The following CDH13 variants were observed in gnomAD, a reference collection of about 807,000 sequenced individuals.
CDH13 encodes cadherin-13.
In CDH13, 24 loss-of-function variants were observed where a neutral mutation model predicts 63.8. The ratio of observed to expected loss-of-function variants is 0.38; its 90% CI spans 0.27 to 0.53. CDH13 has a LOEUF of 0.53. CDH13 is among the 20% of genes least tolerant of loss of function. CDH13 has a pLI of 0.85. For missense variants in CDH13, 1,049 were observed against 903.1 expected (o/e 1.16, Z -2.07); for synonymous variants, 503 against 355.3 (o/e 1.42, Z -4.67).
At chr16:83,400,122 G>T (rs913272707) in intron 6 of CDH13, among the ~76,000 whole-genome samples, 18 of 147,190 alleles carry the variant, frequency 1.2e-4, no homozygotes, top group Admixed American at 2.7e-4. Context: ...ATTCTGATGG[G>T]TTTTTTTTTT....
chr16:83,094,083 A>G (rs994147961), intron 3 of CDH13, among the ~76,000 whole-genome samples: 1 of 152,206 alleles, frequency 6.6e-6, no homozygotes, highest in Non-Finnish European at 1.5e-5. Context: ...CTCAGGATAT[A>G]TTACTCAGCA....
In CDH13 at chr16:83,391,517, A is replaced by T. The variant is rs573149242; in HGVS notation, c.781+46511A>T. On this transcript the variant is annotated intron_variant, in intron 6 of 13. Coordinates refer to ENST00000567109, the MANE Select transcript of CDH13 (RefSeq NM_001257.5). ...CCGTGCCAGCCACACATTTAAAATA[A>T]TGATAATAGTAAGCCCCAATTATAC... Among the ~76,000 whole-genome samples the T allele has an allele frequency of 2.6e-5, 4 of 152,266 alleles. No homozygotes were observed. In the South Asian group the frequency reaches 8.3e-4, roughly 32 times the overall value.
chr16:83,740,152 G>A (rs558275270), intron 10 of CDH13: 1 of 152,302 alleles, frequency 6.6e-6, no homozygotes, highest in East Asian at 1.9e-4. Flanking sequence ...GTAACTTAGG[G>A]AGGCTGAGGA....
chr16:83,793,394 A>C (rs1437768150), intron 13 of CDH13, among the ~76,000 whole-genome samples: 1 of 152,186 alleles, frequency 6.6e-6, no homozygotes, highest in Non-Finnish European at 1.5e-5. Flanking sequence ...GACAGACTCC[A>C]CACTGGAGCC....
chr16:83,686,342 C>A (rs932417986), intron 10 of CDH13, among the ~76,000 whole-genome samples: 2 of 152,228 alleles, frequency 1.3e-5, no homozygotes, highest in Non-Finnish European at 1.5e-5. Context: ...GCCACCAGAG[C>A]TTCCTCAGTA....
chr16:83,636,552 C>T (rs1911282283), intron 8 of CDH13, among the ~76,000 whole-genome samples: 1 of 152,160 alleles, frequency 6.6e-6, no homozygotes, highest in Non-Finnish European at 1.5e-5. Flanking sequence ...TTTTCTGCTT[C>T]TGTTCATTAA....
At chr16:82,886,247 T>G (rs928090721) in intron 2 of CDH13, among the ~76,000 whole-genome samples, 1 of 152,210 alleles carries the variant, frequency 6.6e-6, no homozygotes, top group Non-Finnish European at 1.5e-5. Context: ...CCTTATTCAG[T>G]TATTTCCTTA....
intron 5 of CDH13, among the ~76,000 whole-genome samples, chr16:83,288,705 C>T (rs566863681): frequency 5.3e-5 from 8 of 152,326 alleles, no homozygotes; most frequent in Admixed American, 3.9e-4. Context: ...GCAAATATTG[C>T]ACACACCCAC....
At chr16:82,741,524 G>C (rs1430912949) in intron 1 of CDH13, among the ~76,000 whole-genome samples, 1 of 152,200 alleles carries the variant, frequency 6.6e-6, no homozygotes, top group African/African-American at 2.4e-5. Context: ...CTGCTAGCCT[G>C]TGAAATCCTT....
At chr16:83,074,368 C>T (rs1175651747) in intron 3 of CDH13, among the ~76,000 whole-genome samples, 1 of 152,148 alleles carries the variant, frequency 6.6e-6, no homozygotes, top group African/African-American at 2.4e-5. Flanking sequence ...AAATATACCA[C>T]AATTTTTTAA....
intron 1 of CDH13, among the ~76,000 whole-genome samples, chr16:82,768,654 G>C (rs1435231536): frequency 6.6e-6 from 1 of 152,186 alleles, no homozygotes; most frequent in South Asian, 2.1e-4. Flanking sequence ...GGTTAGGAGA[G>C]CTGGGCTTCA....
At chr16:83,120,054 A>G (rs2035494559) in intron 3 of CDH13, among the ~76,000 whole-genome samples, 1 of 151,690 alleles carries the variant, frequency 6.6e-6, no homozygotes, top group Non-Finnish European at 1.5e-5. Flanking sequence ...GTTCCTTAAG[A>G]TGCCCACCGT....
At chr16:83,126,365 T>G (rs958044828) in intron 4 of CDH13, among the ~76,000 whole-genome samples, 10 of 152,282 alleles carry the variant, frequency 6.6e-5, no homozygotes, top group African/African-American at 2.4e-4. Flanking sequence ...CCTGATTGGC[T>G]ACTGTTTAAA....
intron 6 of CDH13, among the ~76,000 whole-genome samples, chr16:83,447,875 C>T (rs138701078): frequency 0.013 from 1,959 of 152,004 alleles, 26 homozygotes; most frequent in Non-Finnish European, 0.018. Context: ...GAAGCTCCCA[C>T]ATCAAGTAGC....
intron 2 of CDH13, among the ~76,000 whole-genome samples, chr16:82,988,048 G>A (rs1308432980): frequency 6.6e-6 from 1 of 152,194 alleles, no homozygotes. Context: ...ACTGCCAATT[G>A]AAGCACGGCT....
intron 2 of CDH13, among the ~76,000 whole-genome samples, chr16:83,007,113 G>T (rs989036531): frequency 6.6e-6 from 1 of 151,904 alleles, no homozygotes; most frequent in Non-Finnish European, 1.5e-5. Flanking sequence ...GTAGAGACGG[G>T]GTTTCTCCAT....
intron 2 of CDH13, among the ~76,000 whole-genome samples, chr16:82,998,530 C>G (rs76495248): frequency 0.057 from 8,642 of 152,072 alleles, 325 homozygotes; most frequent in African/African-American, 0.1. Flanking sequence ...ACTTTTCTGT[C>G]CAGGAAATAC....
intron 9 of CDH13, among the ~76,000 whole-genome samples, chr16:83,673,678 A>G (rs1209112106): frequency 6.6e-6 from 1 of 152,188 alleles, no homozygotes; most frequent in Admixed American, 6.5e-5. Flanking sequence ...TGGCTCTCAA[A>G]TGCTAGCATA....
intron 6 of CDH13, among the ~76,000 whole-genome samples, chr16:83,385,643 C>T (rs1031941798): frequency 1.3e-5 from 2 of 152,178 alleles, no homozygotes; most frequent in African/African-American, 2.4e-5. Context: ...TGACATTCAG[C>T]TCTTTGCTCA....
Sources: allele counts gnomAD v4.1 joint callset (sites outside exome capture counted in the v4.1 genomes callset), GRCh38; gene constraint gnomAD v4.1.1; transcripts MANE v1.5; gene names NCBI Gene and HGNC (gene_info 2026-07-23, HGNC 2026-07-21).